The following ANO4 variants were observed in gnomAD, a reference collection of about 807,000 sequenced individuals.
ANO4 encodes anoctamin-4.
Under a neutral mutation model 141.9 loss-of-function variants are expected in ANO4, and 69 were observed. The ratio of observed to expected loss-of-function variants is 0.49; its 90% CI spans 0.40 to 0.59. ANO4 has a LOEUF of 0.59. Among genes scored for constraint, ANO4 ranks in the 20% least tolerant of loss-of-function variants. The pLI, the probability that ANO4 is intolerant of heterozygous loss-of-function variation, is 0.00. For synonymous variants in ANO4, 350 were observed against 394.3 expected (o/e 0.89, Z 1.33); for missense variants, 894 against 1,162.2 (o/e 0.77, Z 3.36).
chr12:100,922,379 T>A (rs2041670701), intron 3 of ANO4, 49 bp downstream of exon 3: 1 of 1,346,470 alleles, frequency 7.4e-7, no homozygotes, highest in Non-Finnish European at 1.0e-6. Flanking sequence ...GAAGCTATTA[T>A]AATACTTGGG....
chr12:100,903,746 T>C (rs2040706168), intron 2 of ANO4, among the ~76,000 whole-genome samples: 1 of 152,218 alleles, frequency 6.6e-6, no homozygotes, highest in Non-Finnish European at 1.5e-5. Context: ...CTTTTAAGGC[T>C]TTTCAACTGA....
At chr12:101,106,732 A>C (rs866074541) in intron 22 of ANO4, among the ~76,000 whole-genome samples, 45 of 151,742 alleles carry the variant, frequency 3.0e-4, no homozygotes, top group Middle Eastern at 3.2e-3. Context: ...AAAAGATATT[A>C]AGCAGGTATG....
chr12:100,844,874 C>T (rs1450372613), intron 1 of ANO4, among the ~76,000 whole-genome samples: 4 of 151,450 alleles, frequency 2.6e-5, no homozygotes, highest in Non-Finnish European at 5.9e-5. Flanking sequence ...CAAGGAAGAA[C>T]GTAGAGAGAG....
chr12:101,057,186 A>T (rs1431729360), intron 14 of ANO4, among the ~76,000 whole-genome samples: 1 of 151,960 alleles, frequency 6.6e-6, no homozygotes, highest in East Asian at 1.9e-4. Flanking sequence ...ACATGAACTC[A>T]TTCTTTTTTA....
Position 101,011,318 on chromosome 12 carries a change from C to CTTTTTT in ANO4, c.735-8704_735-8699dup, listed in dbSNP as rs59483191. 2.7e-5 allele frequency among the ~76,000 whole-genome samples: 3 copies of CTTTTTT among 110,686 alleles called. 1 individual carries two copies. The highest frequency in any genetic ancestry group is 1.9e-5 in the Non-Finnish European group (1 of 51,390). 72.6% of individuals were successfully genotyped at this position (110,686 alleles called of 152,430 possible). On this transcript the variant is annotated intron_variant, in intron 8 of 27. Transcript: ENST00000392977. ...CATAGGAGGAATCATGGCCTTTTTTCTTTTTTTTTTTTTTTTTGCAATCTA... is the reference window on the plus strand; with the variant it reads ...CATAGGAGGAATCATGGCCTTTTTTCTTTTTTTTTTTTTTTTTTTTTTTGCAATCTA...
intron 1 of ANO4, among the ~76,000 whole-genome samples, chr12:100,731,986 G>C (rs1014169495): frequency 6.6e-6 from 1 of 152,102 alleles, no homozygotes; most frequent in Non-Finnish European, 1.5e-5. Flanking sequence ...ATTCCTCTAC[G>C]GAAGGACATC....
chr12:100,965,855 T>C (rs1337102126), intron 5 of ANO4, among the ~76,000 whole-genome samples: 1 of 152,090 alleles, frequency 6.6e-6, no homozygotes, highest in African/African-American at 2.4e-5. Context: ...TTAAATACTT[T>C]TCATAATTTT....
At chr12:100,788,673 A>G (rs1325108736) in intron 3 of ANO4, among the ~76,000 whole-genome samples, 1 of 152,180 alleles carries the variant, frequency 6.6e-6, no homozygotes, top group Admixed American at 6.5e-5. Context: ...TCACGCTGTA[A>G]ATATTCAAGA....
chr12:101,120,261 ATCAGG>A (rs1162042263), intron 25 of ANO4, among the ~76,000 whole-genome samples: 2 of 152,140 alleles, frequency 1.3e-5, no homozygotes, highest in East Asian at 1.9e-4. Flanking sequence ...GATGTCACTG[ATCAGG>A]TCTGGCTCAT....
chr12:100,738,069 G>T (rs144196585), intron 2 of ANO4, among the ~76,000 whole-genome samples: 66 of 152,278 alleles, frequency 4.3e-4, no homozygotes, highest in African/African-American at 1.5e-3. Flanking sequence ...TTTTAGCCAT[G>T]TATGAGAGAT....
At chr12:101,099,328 A>G (rs1026709551) in intron 21 of ANO4, among the ~76,000 whole-genome samples, 1 of 152,214 alleles carries the variant, frequency 6.6e-6, no homozygotes, top group African/African-American at 2.4e-5. Context: ...CCTCATAGGC[A>G]ATGCCCAACA....
chr12:101,028,445 G>A (rs1157990632), intron 9 of ANO4, among the ~76,000 whole-genome samples: 1 of 152,160 alleles, frequency 6.6e-6, no homozygotes, highest in Non-Finnish European at 1.5e-5. Context: ...AAAGGTTACA[G>A]GAGCTGATAA....
chr12:101,055,971 C>T (rs1440078430), intron 14 of ANO4, among the ~76,000 whole-genome samples: 1 of 152,024 alleles, frequency 6.6e-6, no homozygotes, highest in Non-Finnish European at 1.5e-5. Context: ...AATCAATGGG[C>T]CATATATGTA....
At chr12:101,104,621 ATG>A (rs796758540) in intron 22 of ANO4, among the ~76,000 whole-genome samples, 5 of 49,040 alleles carry the variant, frequency 1.0e-4, no homozygotes, top group Admixed American at 2.7e-4. Context: ...GTGTGTATGT[ATG>A]TGTGTATATA....
chr12:100,788,598 G>A (rs1402308764), intron 3 of ANO4, among the ~76,000 whole-genome samples: 2 of 152,188 alleles, frequency 1.3e-5, no homozygotes, highest in Non-Finnish European at 2.9e-5. Context: ...TCCTACTCAA[G>A]AGTCAGAGAT....
chr12:100,922,649 T>A (rs1376535050), intron 3 of ANO4, among the ~76,000 whole-genome samples: 3 of 152,122 alleles, frequency 2.0e-5, no homozygotes, highest in Non-Finnish European at 2.9e-5. Context: ...TGATTAATCA[T>A]AATCAAAGAA....
At chr12:101,026,034 C>A (rs1252282886) in intron 9 of ANO4, among the ~76,000 whole-genome samples, 1 of 152,144 alleles carries the variant, frequency 6.6e-6, no homozygotes, top group African/African-American at 2.4e-5. Context: ...TATGTCTGCA[C>A]TTGCCACTTG....
chr12:100,890,140 A>G (rs2040033126), intron 1 of ANO4, among the ~76,000 whole-genome samples: 1 of 152,148 alleles, frequency 6.6e-6, no homozygotes, highest in Admixed American at 6.5e-5. Flanking sequence ...GAAAACATAT[A>G]CTTTTTTTAG....
intron 14 of ANO4, among the ~76,000 whole-genome samples, chr12:101,053,843 C>G (rs1431285231): frequency 6.6e-6 from 1 of 152,170 alleles, no homozygotes; most frequent in Non-Finnish European, 1.5e-5. Context: ...TATCACAGAC[C>G]ACTTGAGCTA....
Sources: gnomAD v4.1 joint callset for allele counts (sites outside exome capture counted in the v4.1 genomes callset) on GRCh38, gnomAD v4.1.1 for gene constraint, MANE v1.5 for transcripts, NCBI Gene and HGNC (gene_info 2026-07-23, HGNC 2026-07-21) for gene names.